KHDRBS3: variants seen among roughly 807,000 people sequenced by gnomAD.
The protein encoded by KHDRBS3 is KH RNA binding domain containing, signal transduction associated 3, also known as KH domain-containing, RNA-binding, signal transduction-associated protein 3.
A neutral mutation model predicts 45.6 loss-of-function variants in KHDRBS3; 23 were observed. That is an observed-to-expected ratio of 0.50 (90% CI 0.36 to 0.72). KHDRBS3 has a LOEUF of 0.72. Among genes scored for constraint, KHDRBS3 ranks in the 30% least tolerant of loss-of-function variants. The pLI, the probability that KHDRBS3 is intolerant of heterozygous loss-of-function variation, is 0.00. For synonymous variants in KHDRBS3, 162 were observed against 156.5 expected, an observed-to-expected ratio of 1.04 and a Z score of -0.26; for missense variants, 352 against 424.8, an observed-to-expected ratio of 0.83 and a Z score of 1.51.
At chr8:135,458,326 G>C (rs1821225764) in intron 1 of KHDRBS3, 1 of 477,892 alleles carries the variant, frequency 2.1e-6, no homozygotes, top group South Asian at 4.6e-5. Flanking sequence ...CGGGGAAGTA[G>C]GGCGTTTGGT....
chr8:135,527,228 T>C (rs1825238221), intron 2 of KHDRBS3, among the ~76,000 whole-genome samples: 2 of 152,276 alleles, frequency 1.3e-5, no homozygotes, highest in African/African-American at 2.4e-5. Flanking sequence ...GCCAGTTTTT[T>C]TTGGTGAATG....
At chr8:135,633,220 T>G (rs1236915247) in intron 7 of KHDRBS3, among the ~76,000 whole-genome samples, 1 of 152,236 alleles carries the variant, frequency 6.6e-6, no homozygotes, top group Admixed American at 6.5e-5. Flanking sequence ...ATGCATGATA[T>G]GATTGTCTCA....
intron 1 of KHDRBS3, among the ~76,000 whole-genome samples, chr8:135,513,360 G>A (rs1038869368): frequency 2.0e-5 from 3 of 152,152 alleles, no homozygotes; most frequent in Non-Finnish European, 4.4e-5. Flanking sequence ...ACTGGACCAG[G>A]TATTGTTGTT....
intron 8 of KHDRBS3, among the ~76,000 whole-genome samples, chr8:135,646,607 A>G (rs1267328619): frequency 2.6e-5 from 4 of 152,152 alleles, no homozygotes; most frequent in Non-Finnish European, 5.9e-5. Context: ...GTTGGAAGAC[A>G]TCTAAGTGAT....
intron 3 of KHDRBS3, among the ~76,000 whole-genome samples, chr8:135,548,136 G>A (rs1228808105): frequency 6.6e-6 from 1 of 152,144 alleles, no homozygotes; most frequent in Non-Finnish European, 1.5e-5. Context: ...ACATAGCAAT[G>A]AATGAATGTT....
intron 4 of KHDRBS3, among the ~76,000 whole-genome samples, chr8:135,655,532 C>T (rs142314023): frequency 1.1e-3 from 175 of 152,274 alleles, no homozygotes; most frequent in Middle Eastern, 6.8e-3. Flanking sequence ...ATATAACATG[C>T]TGGGAGAGAA....
At chr8:135,651,043 A>G (rs1443128956), downstream of KHDRBS3, among the ~76,000 whole-genome samples, 2 of 152,226 alleles carry the variant, frequency 1.3e-5, no homozygotes, top group African/African-American at 4.8e-5. Flanking sequence ...AAGCTCTGAC[A>G]GAGATACATG....
chr8:135,528,794 A>G (rs959389648), intron 2 of KHDRBS3, among the ~76,000 whole-genome samples: 3 of 152,198 alleles, frequency 2.0e-5, no homozygotes, highest in Non-Finnish European at 4.4e-5. Context: ...AGTATGCGGA[A>G]GAGCAAAAAG....
intron 6 of KHDRBS3, among the ~76,000 whole-genome samples, chr8:135,596,831 A>G (rs1457897231): frequency 2.6e-5 from 4 of 152,168 alleles, no homozygotes; most frequent in African/African-American, 9.6e-5. Context: ...TGGAAGTTAG[A>G]TCAGCGAAGC....
intron 1 of KHDRBS3, among the ~76,000 whole-genome samples, chr8:135,517,741 C>G (rs924397087): frequency 2.6e-5 from 4 of 152,138 alleles, no homozygotes; most frequent in African/African-American, 9.7e-5. Flanking sequence ...GGGCTCAGGG[C>G]TCTTTGCATT....
intron 5 of KHDRBS3, among the ~76,000 whole-genome samples, chr8:135,573,920 G>A (rs1827827363): frequency 6.6e-6 from 1 of 152,092 alleles, no homozygotes; most frequent in African/African-American, 2.4e-5. Context: ...CTATGCAGAT[G>A]TGTTGTCTTT....
intron 7 of KHDRBS3, among the ~76,000 whole-genome samples, chr8:135,607,750 G>T (rs978544676): frequency 1.3e-5 from 2 of 152,182 alleles, no homozygotes; most frequent in African/African-American, 2.4e-5. Context: ...TGGCTTTGTA[G>T]TGATTCTGAA....
At chr8:135,487,264 C>A (rs1822909882) in intron 1 of KHDRBS3, among the ~76,000 whole-genome samples, 1 of 152,174 alleles carries the variant, frequency 6.6e-6, no homozygotes, top group African/African-American at 2.4e-5. Flanking sequence ...ATCATGTATA[C>A]CTGGTAAAGC....
Position 135,581,957 on chromosome 8 carries a change from A to G in KHDRBS3, c.691A>G (p.Thr231Ala), listed in dbSNP as rs201184278. 136 of 1,613,468 alleles carry G rather than the reference A, an allele frequency of 8.4e-5. 1 individual carries two copies. In the Middle Eastern group the frequency reaches 9.9e-4, roughly 12 times the overall value. ...GTPTPRGVLSTRGPVSRGRGL... is the reference protein window; with the variant it reads ...GTPTPRGVLSARGPVSRGRGL... ...GCCAACTCCCAGAGGAGTCCTGTCC[A>G]CCCGAGGGCCAGTGAGTCGGGGAAG... Residue 231 changes from threonine (T) to alanine (A), a missense_variant, in exon 6 of 9, where the codon ACC becomes GCC. Thr to Ala is a moderately conservative substitution (Grantham distance 58). Around this residue, in one of 6 missense-constraint regions of KHDRBS3, gnomAD observed 212 missense variants for 209.6 expected, o/e 1.01. Coordinates refer to ENST00000355849, the MANE Select transcript of KHDRBS3 (RefSeq NM_006558.3).
chr8:135,471,875 A>G (rs904969666), intron 1 of KHDRBS3, among the ~76,000 whole-genome samples: 4 of 152,188 alleles, frequency 2.6e-5, no homozygotes, highest in Non-Finnish European at 4.4e-5. Flanking sequence ...CATTTATCAC[A>G]CTGCGATCGT....
Position 135,548,862 on chromosome 8 carries a change from G to A in KHDRBS3, c.433G>A (p.Gly145Arg), listed in dbSNP as rs761369113. The change falls in exon 4 of 9, where the codon GGA becomes AGA. Residue 145 changes from glycine to arginine, a missense_variant. Transcript: ENST00000355849. ...ACCTGCAGAAGCTTATGCCAGGATG[G>A]GACATGCTTTGGAAGAAATCAAAAA... ...APPAEAYARM[G>R]HALEEIKKFL... 9.4e-6 allele frequency: 15 copies of A among 1,597,142 alleles called. No individual in the cohort carries two copies. Among genetic ancestry groups the A allele is most frequent in the African/African-American group, 1.4e-5 (1 of 73,946 alleles).
chr8:135,621,117 T>C (rs895181789), intron 7 of KHDRBS3, among the ~76,000 whole-genome samples: 1 of 129,722 alleles, frequency 7.7e-6, no homozygotes, highest in Non-Finnish European at 1.6e-5. Flanking sequence ...AAGAATCACC[T>C]ATGCAGCCTT....
chr8:135,615,396 T>G (rs1829876187), intron 7 of KHDRBS3, among the ~76,000 whole-genome samples: 1 of 152,138 alleles, frequency 6.6e-6, no homozygotes, highest in African/African-American at 2.4e-5. Context: ...CACCCTCTGA[T>G]CTTAATTTTA....
intron 7 of KHDRBS3, among the ~76,000 whole-genome samples, chr8:135,634,787 G>T (rs1314192040): frequency 3.9e-5 from 6 of 152,186 alleles, no homozygotes; most frequent in African/African-American, 1.4e-4. Flanking sequence ...GTGACATCGG[G>T]CTCTGTCCTC....
Sources: gnomAD v4.1 joint callset for allele counts (sites outside exome capture counted in the v4.1 genomes callset) on GRCh38, gnomAD v4.1.1 for gene constraint, gnomAD v4.1.1 regional missense constraint, MANE v1.5 for transcripts, NCBI Gene and HGNC (gene_info 2026-07-23, HGNC 2026-07-21) for gene names.